MIB1: variants seen among roughly 807,000 people sequenced by gnomAD.
MIB1 encodes the protein MIB E3 ubiquitin protein ligase 1.
MIB1 carries 278 observed loss-of-function variants against 124.5 expected under a neutral mutation model. The ratio of observed to expected loss-of-function variants is 2.23; its 90% CI spans 2.02 to 2.47. MIB1 has a LOEUF of 2.47. MIB1 is among the 30% of genes most tolerant of loss of function. The pLI, the probability that MIB1 is intolerant of heterozygous loss-of-function variation, is 0.00. For synonymous variants in MIB1, 446 were observed against 429.4 expected (o/e 1.04, Z -0.48); for missense variants, 957 against 1,254.4 (o/e 0.76, Z 3.58).
chr18:21,847,001 T>C lies in MIB1; in HGVS notation c.2269T>C (p.Cys757Arg). 6.2e-7 allele frequency: 1 copy of C among 1,614,194 alleles called. No individual in the cohort carries two copies. The highest frequency in any genetic ancestry group is 8.5e-7 in the Non-Finnish European group (1 of 1,180,028). ...AEKKSAASIA[C>R]FLAANGADLS... ...GAAGAAGAGTGCAGCATCTATTGCC[T>C]GTTTCTTGGCAGCCAATGGTGCTGA... Residue 757 changes from cysteine (C) to arginine (R), a missense_variant, in exon 16 of 21, where the codon TGT becomes CGT. By Grantham distance (180) the Cys-to-Arg change is radical. Coordinates refer to ENST00000261537, the MANE Select transcript of MIB1 (RefSeq NM_020774.4).
At chr18:21,859,325 C>T (rs571940989) in intron 20 of MIB1, among the ~76,000 whole-genome samples, 21 of 150,030 alleles carry the variant, frequency 1.4e-4, no homozygotes, top group African/African-American at 4.7e-4. Context: ...ACCTGAGGAT[C>T]GAGGCTGTGG....
At chr18:21,788,711 A>G (rs192460406) in intron 6 of MIB1, among the ~76,000 whole-genome samples, 9 of 152,246 alleles carry the variant, frequency 5.9e-5, no homozygotes, top group African/African-American at 2.2e-4. Flanking sequence ...TACCATGTAT[A>G]GAAAAACCCA....
At chr18:21,721,159 GTTTTTTTTTTTTTTTTTTTTTT>G (rs34277676) in intron 1 of MIB1, among the ~76,000 whole-genome samples, 2,013 of 29,776 alleles carry the variant, frequency 0.068, 79 homozygotes, top group African/African-American at 0.17. Flanking sequence ...TTTTAAAGAA[GTTTTTTTTTTTTTTTTTTTTTT>G]TTTTTTTTTT....
intron 1 of MIB1, among the ~76,000 whole-genome samples, chr18:21,708,334 G>C (rs991374652): frequency 1.3e-5 from 2 of 152,170 alleles, no homozygotes; most frequent in Non-Finnish European, 2.9e-5. Context: ...TTTCCTGTTA[G>C]AAAAACATTC....
At position 21,847,186 on chromosome 18, in the gene MIB1, G is replaced by A. The variant is rs757787592; in HGVS notation, c.2393+61G>A. 3.1e-5 allele frequency: 42 copies of A among 1,371,988 alleles called. 1 individual carries two copies. Among genetic ancestry groups the A allele is most frequent in the South Asian group, 1.8e-4 (14 of 76,446 alleles). The allele number at this position is 1,371,988 out of a possible 1,614,324, so 85.0% of individuals were successfully genotyped here. A position where few individuals can be genotyped will look rare whatever the true frequency, so the allele number is the denominator to read the frequency against. On this transcript the variant is annotated intron_variant, in intron 16 of 20. Transcript: ENST00000261537. ...TGTACAGAAAATATCATGTGGTTTC[G>A]TAATGGAGGACGTGGCTACTTGAAA...
intron 1 of MIB1, among the ~76,000 whole-genome samples, chr18:21,754,188 C>T (rs768258857): frequency 1.8e-4 from 27 of 152,176 alleles, no homozygotes; most frequent in Non-Finnish European, 2.9e-4. Context: ...ATCATTCCAC[C>T]CAGCAAGCTG....
intron 6 of MIB1, among the ~76,000 whole-genome samples, chr18:21,789,387 C>G (rs2041475649): frequency 6.6e-6 from 1 of 152,010 alleles, no homozygotes; most frequent in African/African-American, 2.4e-5. Flanking sequence ...CTCACTTTAA[C>G]TTGATTACAT....
In MIB1 at chr18:21,838,435, AC is replaced by A. The variant is rs1417406120; in HGVS notation, c.1901del (p.Thr634MetfsTer12). The A allele has an allele frequency of 9.9e-6, 16 of 1,611,176 alleles. No individual in the cohort carries two copies. The Admixed American group carries it at 2.7e-4, about 27-fold the overall frequency. On this transcript the variant is annotated frameshift_variant, in exon 13 of 21. Transcript: ENST00000261537. LOFTEE classifies it high-confidence loss of function. ...IVDEKKDDGYTALHLAALNNH... is the reference protein window; with the variant it reads ...IVDEKKDDGYXALHLAALNNH... ...GGATGAGAAGAAAGATGATGGTTAT[AC>A]TGCCTTACATCTGGCTGCCCTTAAT...
intron 20 of MIB1, among the ~76,000 whole-genome samples, chr18:21,862,955 A>G (rs1464651332): frequency 1.3e-5 from 2 of 152,032 alleles, no homozygotes; most frequent in Non-Finnish European, 2.9e-5. Context: ...TCCATTTCCT[A>G]TTACGTTTTG....
chr18:21,748,604 A>AT (rs2040938788), intron 1 of MIB1, among the ~76,000 whole-genome samples: 1 of 149,544 alleles, frequency 6.7e-6, no homozygotes, highest in East Asian at 2.0e-4. Flanking sequence ...TAATTTGTGT[A>AT]TTTTTTTGTA....
At chr18:21,846,234 G>A (rs904028459) in intron 15 of MIB1, among the ~76,000 whole-genome samples, 3 of 152,090 alleles carry the variant, frequency 2.0e-5, no homozygotes, top group African/African-American at 4.8e-5. Context: ...TGAGACCTCT[G>A]CCTTATTTAT....
chr18:21,746,595 G>A (rs1341210289), intron 1 of MIB1, among the ~76,000 whole-genome samples: 1 of 152,178 alleles, frequency 6.6e-6, no homozygotes, highest in African/African-American at 2.4e-5. Flanking sequence ...TGATTTTATA[G>A]GAGTTGGAGA....
intron 1 of MIB1, among the ~76,000 whole-genome samples, chr18:21,714,951 G>A (rs2040683027): frequency 6.6e-6 from 1 of 152,180 alleles, no homozygotes; most frequent in Admixed American, 6.5e-5. Context: ...ATCACCCCAT[G>A]GAGGATCATG....
intron 6 of MIB1, among the ~76,000 whole-genome samples, chr18:21,782,382 C>CA (rs1237171335): frequency 1.3e-5 from 2 of 152,168 alleles, no homozygotes; most frequent in Admixed American, 1.3e-4. Flanking sequence ...CTTGGCCTCC[C>CA]AAAGTACTGG....
intron 18 of MIB1, among the ~76,000 whole-genome samples, chr18:21,853,896 G>A (rs538655199): frequency 2.6e-4 from 38 of 147,806 alleles, no homozygotes; most frequent in African/African-American, 7.0e-4. Flanking sequence ...GCACAGTCTC[G>A]CTCTGTCACC....
At chr18:21,770,428 T>C (rs796734810) in intron 3 of MIB1, among the ~76,000 whole-genome samples, 12 of 152,314 alleles carry the variant, frequency 7.9e-5, no homozygotes, top group African/African-American at 2.9e-4. Flanking sequence ...CTGGATGCTT[T>C]ATCCCACTCC....
chr18:21,849,133 A>T (rs1308556080), intron 16 of MIB1, 63 bp from the exon 17 acceptor site: 9 of 1,105,500 alleles, frequency 8.1e-6, no homozygotes, highest in Non-Finnish European at 1.1e-5. Flanking sequence ...GTATATTTTA[A>T]AACATTTTAA....
chr18:21,738,434 G>A (rs2040805100), upstream of MIB1, among the ~76,000 whole-genome samples: 2 of 152,180 alleles, frequency 1.3e-5, no homozygotes, highest in Admixed American at 1.3e-4. Context: ...AAAGCAGTGT[G>A]TAGAGGGAAA....
chr18:21,729,008 T>G (rs112318820), intron 1 of MIB1, among the ~76,000 whole-genome samples: 43 of 152,316 alleles, frequency 2.8e-4, no homozygotes, highest in African/African-American at 8.7e-4. Context: ...CCTGGCTGCT[T>G]CTTTCTGCTG....
Sources: allele counts gnomAD v4.1 joint callset (sites outside exome capture counted in the v4.1 genomes callset), GRCh38; gene constraint gnomAD v4.1.1; transcripts MANE v1.5; gene names NCBI Gene and HGNC (gene_info 2026-07-23, HGNC 2026-07-21).